Variants in INTS11 observed in about 807,000 individuals in gnomAD.
The protein encoded by INTS11 is CPSF3-like protein.
INTS11 carries 77 observed loss-of-function variants against 78.6 expected under a neutral mutation model. The observed-to-expected ratio is 0.98, with a 90% CI of 0.81 to 1.18. The LOEUF is 1.18. Ranked by LOEUF, INTS11 falls within the 50% of genes most tolerant of loss-of-function variation. INTS11 has a pLI of 0.00. For missense variants in INTS11, 875 were observed against 825.9 expected (o/e 1.06, Z -0.73); for synonymous variants, 441 against 326.9 (o/e 1.35, Z -3.77).
In INTS11 at chr1:1,311,730, A is replaced by G; in HGVS notation, c.*129T>C. ...AGCTGCCTGGGCAGGCAGGTGACAC[A>G]AGGCCTCTGTCCCCAGGGATGGGAC... On this transcript the variant is annotated 3_prime_UTR_variant, in exon 17 of 17. Transcript: ENST00000435064. The G allele has an allele frequency of 1.0e-6, 1 of 956,618 alleles. No homozygotes were observed. The highest frequency in any genetic ancestry group is 2.1e-5 in the Admixed American group (1 of 46,690). The allele number at this position is 956,618 out of a possible 1,614,324, so 59.3% of individuals were successfully genotyped here.
At position 1,312,239 on chromosome 1, in the gene INTS11, T is replaced by C. The variant is rs761226144; in HGVS notation, c.1594A>G (p.Ser532Gly). 5 of 1,488,298 alleles carry C rather than the reference T, an allele frequency of 3.4e-6. No individual in the cohort carries two copies. The South Asian group carries it at 6.0e-5, about 18-fold the overall frequency. The allele number at this position is 1,488,298 out of a possible 1,614,324, so 92.2% of individuals were successfully genotyped here. ...CCGGGCGCCCACCTCTTGAGGTGGC[T>C]GTAGACGCGCAATGCCGTCTCCTGC... is the stretch of plus-strand genomic sequence containing the variant. The part of the protein sequence containing the change: ...KEQETALRVY[S>G]HLKSVLKDHC... Residue 532 changes from serine (S) to glycine (G), a missense_variant, in exon 15 of 17, where the codon AGC becomes GGC. Ser to Gly is a moderately conservative substitution (Grantham distance 56, BLOSUM62 0). Coordinates refer to ENST00000435064, the MANE Select transcript of INTS11 (RefSeq NM_017871.6).
At chr1:1,323,571 A>G (rs1023582719) in intron 1 of INTS11, among the ~76,000 whole-genome samples, 2 of 150,230 alleles carry the variant, frequency 1.3e-5, no homozygotes, top group African/African-American at 4.9e-5. Context: ...CGCCCTGCCA[A>G]TTTTAGCATT....
At chr1:1,321,383 G>A (rs1642938832) in intron 1 of INTS11, among the ~76,000 whole-genome samples, 1 of 151,978 alleles carries the variant, frequency 6.6e-6, no homozygotes, top group Non-Finnish European at 1.5e-5. Flanking sequence ...AGTGGGCACT[G>A]TGCTGTGGCC....
chr1:1,318,200 C>G (rs1015349287), intron 4 of INTS11, among the ~76,000 whole-genome samples: 1 of 152,074 alleles, frequency 6.6e-6, no homozygotes, highest in Non-Finnish European at 1.5e-5. Context: ...GAATTCAGCA[C>G]CAGCAGACCC....
intron 1 of INTS11, chr1:1,321,840 C>T: frequency 8.5e-7 from 1 of 1,178,222 alleles, no homozygotes; most frequent in Non-Finnish European, 1.1e-6. Context: ...GGTCACGGCC[C>T]CTGCACAGAC....
Position 1,315,526 on chromosome 1 carries a change from G to A in INTS11, c.522C>T (p.Val174=). ...FQIKVGSESV[V]YTGDYNMTPD... ...CTCAAGCCCTTCCACTGACCGTGTAGACCACAGACTCTGAGCCCACTTTAA... is the reference window on the plus strand; with the variant it reads ...CTCAAGCCCTTCCACTGACCGTGTAAACCACAGACTCTGAGCCCACTTTAA... The change falls in exon 5 of 17, where the codon GTC becomes GTT. Residue 174 remains valine (V), a synonymous_variant. Transcript: ENST00000435064. 1 of 1,612,636 alleles carries A rather than the reference G, an allele frequency of 6.2e-7. No individual in the cohort carries two copies. The highest frequency in any genetic ancestry group is 8.5e-7 in the Non-Finnish European group (1 of 1,179,736).
In INTS11 at chr1:1,314,422, G is replaced by C. The variant is rs1642447378; in HGVS notation, c.703-57C>G. On this transcript the variant is annotated intron_variant, in intron 7 of 16. Coordinates refer to ENST00000435064, the MANE Select transcript of INTS11 (RefSeq NM_017871.6). The surrounding 1 kb of genome is among the most constrained non-coding windows in gnomAD (Gnocchi z 4.2). ...ACATGGCCCCTCGACACAGCAGGCA[G>C]CGTCCAGTGAGGGCACGGCCAGGTG... 1 of 1,506,002 alleles carries C rather than the reference G, an allele frequency of 6.6e-7. No homozygotes were observed. Among genetic ancestry groups the C allele is most frequent in the Admixed American group, 2.0e-5 (1 of 50,952 alleles). The allele number at this position is 1,506,002 out of a possible 1,614,324, so 93.3% of individuals were successfully genotyped here. A position where few individuals can be genotyped will look rare whatever the true frequency, so the allele number is the denominator to read the frequency against.
chr1:1,315,280 C>T (rs1173280693), intron 6 of INTS11, 124 bp downstream of exon 6: 1 of 1,227,332 alleles, frequency 8.1e-7, no homozygotes, highest in Non-Finnish European at 1.2e-6. Flanking sequence ...GGGGGCTCTC[C>T]AGGCCGCACA....
intron 15 of INTS11, 36 bp downstream of exon 15, chr1:1,312,190 C>T (rs753992813): frequency 4.2e-5 from 53 of 1,272,880 alleles, no homozygotes; most frequent in Non-Finnish European, 2.0e-6. Flanking sequence ...CTCCAGGGCC[C>T]AAGGGAGTGG....
In INTS11 at chr1:1,314,201, G is replaced by A; in HGVS notation, c.767+100C>T. On this transcript the variant is annotated intron_variant, in intron 8 of 16. Coordinates refer to ENST00000435064, the MANE Select transcript of INTS11 (RefSeq NM_017871.6). This position sits in a 1 kb window ranked among gnomAD's most constrained non-coding sequence, Gnocchi z 4.2. ...GCCCCCCAGGACAGCAGCAAGCAGG[G>A]CCAAGATGCCACCGCTACGCTGGAC... is the stretch of plus-strand genomic sequence containing the variant. 2.6e-6 allele frequency: 3 copies of A among 1,167,542 alleles called. No homozygotes were observed. The highest frequency in any genetic ancestry group is 3.8e-6 in the Non-Finnish European group (3 of 798,606). 72.3% of individuals were successfully genotyped at this position (1,167,542 alleles called of 1,614,324 possible).
intron 1 of INTS11, chr1:1,321,898 TC>T: frequency 2.6e-6 from 3 of 1,141,958 alleles, no homozygotes; most frequent in Non-Finnish European, 2.3e-6. Context: ...TCCCCTTGAA[TC>T]CCACCCACCT....
chr1:1,319,903 G>A (rs1200945419), intron 3 of INTS11: 5 of 250,336 alleles, frequency 2.0e-5, no homozygotes, highest in Non-Finnish European at 3.9e-5. Context: ...GCCCCAGGAA[G>A]GCACTGGGGA....
Position 1,320,533 on chromosome 1 carries a change from G to C in INTS11, c.127-4C>G. ...AGGAGAAGTCAGGGAAGCGTCGCTA[G>C]GAAGGATGTGGGGGTTTCAGGTTGC... On this transcript the variant is annotated splice_region_variant and splice_polypyrimidine_tract_variant and intron_variant, in intron 2 of 16. Coordinates refer to ENST00000435064, the MANE Select transcript of INTS11 (RefSeq NM_017871.6). 6.2e-7 allele frequency: 1 copy of C among 1,613,826 alleles called. No homozygotes were observed. The highest frequency in any genetic ancestry group is 8.5e-7 in the Non-Finnish European group (1 of 1,179,900).
At chr1:1,315,177 A>G (rs1414818587) in intron 6 of INTS11, 7 of 720,354 alleles carry the variant, frequency 9.7e-6, no homozygotes, top group Non-Finnish European at 2.3e-6. Context: ...AGCGAGACAG[A>G]GGCACCCACC....
At position 1,312,786 on chromosome 1, in the gene INTS11, C is replaced by T. The variant is rs373419344; in HGVS notation, c.1294+1G>A. On this transcript the variant is annotated splice_donor_variant, in intron 12 of 16. Coordinates refer to ENST00000435064, the MANE Select transcript of INTS11 (RefSeq NM_017871.6). LOFTEE classifies it high-confidence loss of function. ...CCCACGCCGCCCGCCCGGCTGCCTACGGAGCTCCTGCTCGATCTTCTGCTT... is the reference window on the plus strand; with the variant it reads ...CCCACGCCGCCCGCCCGGCTGCCTATGGAGCTCCTGCTCGATCTTCTGCTT... 157 of 1,606,358 alleles carry T rather than the reference C, an allele frequency of 9.8e-5. No homozygotes were observed. The highest frequency in any genetic ancestry group is 1.2e-4 in the Non-Finnish European group (146 of 1,175,780).
rs1356398570 is a variant in INTS11 at position 1,312,168 on chromosome 1, A to G, written c.1608-21T>C. On this transcript the variant is annotated intron_variant, in intron 15 of 16. Coordinates refer to ENST00000435064, the MANE Select transcript of INTS11 (RefSeq NM_017871.6). ...GGACGCTGTGGGGAGGCTCGGTGAG[A>G]CCCTGCCTGGCCTCCAGGGCCCAAG... 2.8e-6 allele frequency: 4 copies of G among 1,442,866 alleles called. No homozygotes were observed. The African/African-American group carries it at 7.5e-5, about 27-fold the overall frequency. 89.4% of individuals were successfully genotyped at this position (1,442,866 alleles called of 1,614,324 possible). A position where few individuals can be genotyped will look rare whatever the true frequency, so the allele number is the denominator to read the frequency against.
At position 1,311,664 on chromosome 1, in the gene INTS11, C is replaced by T. The variant is rs1642167170; in HGVS notation, c.*195G>A. On this transcript the variant is annotated 3_prime_UTR_variant, in exon 17 of 17. Coordinates refer to ENST00000435064, the MANE Select transcript of INTS11 (RefSeq NM_017871.6). ...CACCTGCCCTAACCAGGAATAAAGG[C>T]AAGACAGCCTGGAGACCAGTTTGTT... 2 of 720,860 alleles carry T rather than the reference C, an allele frequency of 2.8e-6. No individual in the cohort carries two copies. The highest frequency in any genetic ancestry group is 4.9e-6 in the Non-Finnish European group (2 of 408,132). 44.7% of individuals were successfully genotyped at this position (720,860 alleles called of 1,614,324 possible).
At position 1,314,763 on chromosome 1, in the gene INTS11, C is replaced by T; in HGVS notation, c.702+61G>A. ...TGACCCATGCCAAGGGCAGCCAAGCCTGCCAGAAAGACCAGCCCAGCATGG... is the reference window on the plus strand; with the variant it reads ...TGACCCATGCCAAGGGCAGCCAAGCTTGCCAGAAAGACCAGCCCAGCATGG... On this transcript the variant is annotated intron_variant, in intron 7 of 16. Coordinates refer to ENST00000435064, the MANE Select transcript of INTS11 (RefSeq NM_017871.6). The surrounding 1 kb of genome is among the most constrained non-coding windows in gnomAD (Gnocchi z 4.2). The T allele has an allele frequency of 1.3e-6, 2 of 1,565,354 alleles. No homozygotes were observed. The highest frequency in any genetic ancestry group is 3.5e-5 in the Admixed American group (2 of 57,140).
At position 1,314,480 on chromosome 1, in the gene INTS11, C is replaced by G; in HGVS notation, c.703-115G>C. On this transcript the variant is annotated intron_variant, in intron 7 of 16. Transcript: ENST00000435064. The surrounding 1 kb of genome is among the most constrained non-coding windows in gnomAD (Gnocchi z 4.2). ...GCTGCGGCCTCATAGGGACCTTAGCCTCTCATCTGCTCCCAGTCCCGTCCC... is the reference window on the plus strand; with the variant it reads ...GCTGCGGCCTCATAGGGACCTTAGCGTCTCATCTGCTCCCAGTCCCGTCCC... 2 of 880,894 alleles carry G rather than the reference C, an allele frequency of 2.3e-6. No individual in the cohort carries two copies. Among genetic ancestry groups the G allele is most frequent in the Non-Finnish European group, 3.5e-6 (2 of 577,706 alleles). The allele number at this position is 880,894 out of a possible 1,614,324, so 54.6% of individuals were successfully genotyped here.
Sources: allele counts gnomAD v4.1 joint callset (sites outside exome capture counted in the v4.1 genomes callset), GRCh38; gene constraint gnomAD v4.1.1; non-coding constraint Gnocchi (gnomAD v3.1); transcripts MANE v1.5; gene names NCBI Gene and HGNC (gene_info 2026-07-23, HGNC 2026-07-21).